Variants in GALNT18 observed in about 807,000 individuals in gnomAD.
GALNT18 encodes GalNAc-transferase 18.
A neutral mutation model predicts 69.5 loss-of-function variants in GALNT18; 44 were observed. That is an observed-to-expected ratio of 0.63 (90% CI 0.50 to 0.81). The LOEUF (loss-of-function observed/expected upper bound fraction) is 0.81, where lower values mean the gene tolerates loss of function less well. GALNT18 is among the 40% of genes least tolerant of loss of function. GALNT18 has a pLI of 0.00. For missense variants in GALNT18, 715 were observed against 810.0 expected (o/e 0.88, Z 1.42); for synonymous variants, 364 against 318.2 (o/e 1.14, Z -1.53).
Position 11,617,834 on chromosome 11 carries a change from C to A in GALNT18, c.235+3525G>T, listed in dbSNP as rs1241537323. 6.6e-6 allele frequency among the ~76,000 whole-genome samples: 1 copy of A among 152,222 alleles called. No homozygotes were observed. On this transcript the variant is annotated intron_variant, in intron 1 of 10. Transcript: ENST00000227756. This position sits in a 1 kb window ranked among gnomAD's most constrained non-coding sequence, Gnocchi z 4.7. ...GCAGATTCTTGCTTCATCCGCCTCA[C>A]CGTGTCAAGCCATCAGATCTTTCTA...
chr11:11,517,569 A>G (rs1857308770), intron 1 of GALNT18, among the ~76,000 whole-genome samples: 2 of 152,210 alleles, frequency 1.3e-5, no homozygotes, highest in Admixed American at 1.3e-4. Context: ...AGACCCTCAC[A>G]TTTAGCCCTG....
At position 11,618,796 on chromosome 11, in the gene GALNT18, C is replaced by T. The variant is rs145885290; in HGVS notation, c.235+2563G>A. ...ATATGTAAAGTGTTTAGAATAGGGC[C>T]TGACATATCCTAGGTGCTATGTTAT... On this transcript the variant is annotated intron_variant, in intron 1 of 10. Coordinates refer to ENST00000227756, the MANE Select transcript of GALNT18 (RefSeq NM_198516.3). This position sits in a 1 kb window ranked among gnomAD's most constrained non-coding sequence, Gnocchi z 6.1. 8.3e-4 allele frequency among the ~76,000 whole-genome samples: 126 copies of T among 152,244 alleles called. No homozygotes were observed. Among genetic ancestry groups the T allele is most frequent in the African/African-American group, 3.0e-3 (123 of 41,536 alleles).
chr11:11,554,599 T>C (rs919184595), intron 1 of GALNT18, among the ~76,000 whole-genome samples: 4 of 152,052 alleles, frequency 2.6e-5, no homozygotes, highest in Non-Finnish European at 4.4e-5. Flanking sequence ...GTGTGATTAA[T>C]GTATTTAGGT....
chr11:11,278,881 ATGCT>A (rs1402600216), intron 10 of GALNT18, among the ~76,000 whole-genome samples: 1 of 152,242 alleles, frequency 6.6e-6, no homozygotes, highest in Admixed American at 6.5e-5. Flanking sequence ...GAAATGATAA[ATGCT>A]TGAGGTAAAA....
intron 6 of GALNT18, among the ~76,000 whole-genome samples, chr11:11,363,979 T>A (rs1850699143): frequency 6.6e-6 from 1 of 152,184 alleles, no homozygotes; most frequent in Non-Finnish European, 1.5e-5. Context: ...GGATATTAAA[T>A]GTATGTAAGG....
intron 6 of GALNT18, among the ~76,000 whole-genome samples, chr11:11,345,950 G>C (rs77221980): frequency 0.02 from 3,097 of 152,284 alleles, 85 homozygotes; most frequent in African/African-American, 0.064. Context: ...ACAAGGCTGG[G>C]TCCTGAGGCT....
intron 10 of GALNT18, among the ~76,000 whole-genome samples, chr11:11,275,476 T>G (rs1165669575): frequency 6.6e-6 from 1 of 152,242 alleles, no homozygotes; most frequent in African/African-American, 2.4e-5. Context: ...TTTTCTCTCA[T>G]TCTGTAGTTG....
At chr11:11,290,387 C>G (rs192277218) in intron 10 of GALNT18, among the ~76,000 whole-genome samples, 1 of 152,300 alleles carries the variant, frequency 6.6e-6, no homozygotes, top group Non-Finnish European at 1.5e-5. Flanking sequence ...GGGGGGCTTT[C>G]AAAATCCCAG....
Position 11,356,177 on chromosome 11 carries a change from T to G in GALNT18, c.1093-15173A>C, listed in dbSNP as rs1419769169. On this transcript the variant is annotated intron_variant, in intron 6 of 10. Transcript: ENST00000227756. The surrounding 1 kb of genome is among the most constrained non-coding windows in gnomAD (Gnocchi z 4.4). ...GCCCCTGACCCCTCCTTCTGCAACT[T>G]CAGATTTATGAATATCGGATCTTGT... Among the ~76,000 whole-genome samples, 1 of 152,172 alleles carries G rather than the reference T, an allele frequency of 6.6e-6. No homozygotes were observed. Among genetic ancestry groups the G allele is most frequent in the East Asian group, 1.9e-4 (1 of 5,190 alleles).
At position 11,413,687 on chromosome 11, in the gene GALNT18, A is replaced by G. The variant is rs1257889670; in HGVS notation, c.595+18934T>C. Among the ~76,000 whole-genome samples the G allele has an allele frequency of 6.6e-6, 1 of 152,110 alleles. No individual in the cohort carries two copies. Among genetic ancestry groups the G allele is most frequent in the African/African-American group, 2.4e-5 (1 of 41,418 alleles). ...GGAGCAGAGGGAGTCTGGGAAGTTG[A>G]CTACTCCAGGGGTCCAGGCCCTGGT... is the stretch of plus-strand genomic sequence containing the variant. On this transcript the variant is annotated intron_variant, in intron 3 of 10. Coordinates refer to ENST00000227756, the MANE Select transcript of GALNT18 (RefSeq NM_198516.3). The surrounding 1 kb of genome is among the most constrained non-coding windows in gnomAD (Gnocchi z 4.7).
chr11:11,468,415 G>C (rs1009360301), intron 1 of GALNT18, among the ~76,000 whole-genome samples: 1 of 152,170 alleles, frequency 6.6e-6, no homozygotes, highest in Non-Finnish European at 1.5e-5. Flanking sequence ...CCTCCTTCCT[G>C]CCTGCCATGC....
chr11:11,519,548 C>T (rs1252046287), intron 1 of GALNT18, among the ~76,000 whole-genome samples: 1 of 152,208 alleles, frequency 6.6e-6, no homozygotes, highest in African/African-American at 2.4e-5. Flanking sequence ...ATGTGGAGGG[C>T]AAAGGGAATC....
intron 1 of GALNT18, among the ~76,000 whole-genome samples, chr11:11,473,821 T>C (rs1297075872): frequency 5.9e-5 from 9 of 152,192 alleles, no homozygotes; most frequent in Non-Finnish European, 7.3e-5. Flanking sequence ...TCCCAGCACT[T>C]TGTGAGGCCG....
chr11:11,276,398 A>T (rs1347468700), intron 10 of GALNT18, among the ~76,000 whole-genome samples: 2 of 152,206 alleles, frequency 1.3e-5, no homozygotes, highest in Admixed American at 6.5e-5. Context: ...GACTTTGCTG[A>T]AGTTGCTTAT....
chr11:11,540,555 G>A lies in GALNT18; in HGVS notation c.235+80804C>T, dbSNP rs1484285891. 6.6e-6 allele frequency among the ~76,000 whole-genome samples: 1 copy of A among 152,108 alleles called. No individual in the cohort carries two copies. The highest frequency in any genetic ancestry group is 2.4e-5 in the African/African-American group (1 of 41,406). On this transcript the variant is annotated intron_variant, in intron 1 of 10. Coordinates refer to ENST00000227756, the MANE Select transcript of GALNT18 (RefSeq NM_198516.3). This position sits in a 1 kb window ranked among gnomAD's most constrained non-coding sequence, Gnocchi z 4.6. Reference sequence around the variant, plus strand: ...AAGTAATACTGAGGCTGCACTGAGGGGCTCCCAGAATTAGAGCACCCTTTG... The same window carrying A: ...AAGTAATACTGAGGCTGCACTGAGGAGCTCCCAGAATTAGAGCACCCTTTG...
At chr11:11,412,616 G>T (rs776721998) in intron 3 of GALNT18, among the ~76,000 whole-genome samples, 2 of 152,222 alleles carry the variant, frequency 1.3e-5, no homozygotes, top group Non-Finnish European at 2.9e-5. Context: ...AGCATGCCTT[G>T]CAGTTGGCCT....
rs757764597 is a variant in GALNT18, at chr11:11,396,151, C to T, written c.596-16887G>A. 1.3e-5 allele frequency among the ~76,000 whole-genome samples: 2 copies of T among 152,302 alleles called. No homozygotes were observed. Among genetic ancestry groups the T allele is most frequent in the East Asian group, 1.9e-4 (1 of 5,186 alleles). On this transcript the variant is annotated intron_variant, in intron 3 of 10. Transcript: ENST00000227756. The surrounding 1 kb of genome is among the most constrained non-coding windows in gnomAD (Gnocchi z 5.2). Reference sequence around the variant, plus strand: ...AGTCTTTAAAGTCTGGGCAGGAAACCGAGGAACTCGGATAGCTGTGTGATA... The same window carrying T: ...AGTCTTTAAAGTCTGGGCAGGAAACTGAGGAACTCGGATAGCTGTGTGATA...
At chr11:11,615,909 T>C (rs1161513890) in intron 1 of GALNT18, among the ~76,000 whole-genome samples, 1 of 152,226 alleles carries the variant, frequency 6.6e-6, no homozygotes, top group African/African-American at 2.4e-5. Context: ...ATTATGTATG[T>C]AACATATAAT....
At chr11:11,522,971 T>A (rs1857432955) in intron 1 of GALNT18, among the ~76,000 whole-genome samples, 1 of 152,184 alleles carries the variant, frequency 6.6e-6, no homozygotes. Flanking sequence ...ATTAGGCAGA[T>A]GAGAGTAAAG....
Sources: allele counts gnomAD v4.1 joint callset (sites outside exome capture counted in the v4.1 genomes callset), GRCh38; gene constraint gnomAD v4.1.1; non-coding constraint Gnocchi (gnomAD v3.1); transcripts MANE v1.5; gene names NCBI Gene and HGNC (gene_info 2026-07-23, HGNC 2026-07-21).